CNTN4: variants seen among roughly 807,000 people sequenced by gnomAD.
CNTN4 encodes contactin-4.
In CNTN4, 77 loss-of-function variants were observed where a neutral mutation model predicts 122.5. The ratio of observed to expected loss-of-function variants is 0.63; its 90% CI spans 0.52 to 0.76. CNTN4 has a LOEUF of 0.76. Among genes scored for constraint, CNTN4 ranks in the 30% least tolerant of loss-of-function variants. CNTN4 has a pLI of 0.00. For missense variants in CNTN4, 1,256 were observed against 1,259.1 expected (o/e 1.00, Z 0.04); for synonymous variants, 512 against 447.0 (o/e 1.15, Z -1.83).
At chr3:2,672,031 G>A (rs970193348) in intron 4 of CNTN4, among the ~76,000 whole-genome samples, 2 of 152,206 alleles carry the variant, frequency 1.3e-5, no homozygotes, top group Non-Finnish European at 2.9e-5. Context: ...CCTACTGGGG[G>A]GTGCCTCCCA....
At chr3:2,221,334 G>C (rs1235378962) in intron 2 of CNTN4, among the ~76,000 whole-genome samples, 1 of 152,004 alleles carries the variant, frequency 6.6e-6, no homozygotes, top group Non-Finnish European at 1.5e-5. Context: ...TAACATTTCT[G>C]TCTTTTAGCT....
intron 3 of CNTN4, among the ~76,000 whole-genome samples, chr3:2,480,841 C>A (rs1456787153): frequency 2.0e-5 from 3 of 152,106 alleles, no homozygotes; most frequent in Non-Finnish European, 2.9e-5. Context: ...TACTCAACTT[C>A]AAGAAATGCT....
At chr3:2,684,094 C>T (rs1221051175) in intron 4 of CNTN4, among the ~76,000 whole-genome samples, 1 of 152,124 alleles carries the variant, frequency 6.6e-6, no homozygotes, top group African/African-American at 2.4e-5. Flanking sequence ...CCCTGCAATT[C>T]ACACTATTAA....
At chr3:3,048,481 C>G (rs1700903966) in intron 23 of CNTN4, among the ~76,000 whole-genome samples, 1 of 151,112 alleles carries the variant, frequency 6.6e-6, no homozygotes, top group East Asian at 1.9e-4. Flanking sequence ...TACCAAGGTA[C>G]CAATGAATAA....
intron 6 of CNTN4, among the ~76,000 whole-genome samples, chr3:2,814,121 T>G (rs1320568024): frequency 1.3e-5 from 2 of 152,186 alleles, no homozygotes; most frequent in Non-Finnish European, 2.9e-5. Context: ...GCCACACAAT[T>G]GTACAATCCT....
intron 20 of CNTN4, chr3:3,041,164 G>T (rs533948274): frequency 6.6e-6 from 1 of 152,320 alleles, no homozygotes; most frequent in African/African-American, 2.4e-5. Context: ...TCTGAAAGGT[G>T]AATCATTGAT....
intron 3 of CNTN4, among the ~76,000 whole-genome samples, chr3:2,504,740 C>T (rs1009544598): frequency 1.3e-5 from 2 of 152,140 alleles, no homozygotes; most frequent in East Asian, 3.9e-4. Flanking sequence ...ACAAATTGAC[C>T]ATACCTTCCT....
intron 4 of CNTN4, among the ~76,000 whole-genome samples, chr3:2,619,272 A>G (rs901235010): frequency 3.3e-5 from 5 of 152,226 alleles, no homozygotes; most frequent in Admixed American, 2.6e-4. Flanking sequence ...TCAAATGTAA[A>G]TGAAATTCCG....
chr3:2,966,933 C>T (rs1015039511), intron 13 of CNTN4, among the ~76,000 whole-genome samples: 1 of 152,200 alleles, frequency 6.6e-6, no homozygotes, highest in Non-Finnish European at 1.5e-5. Flanking sequence ...ACACTAAGTT[C>T]AGCCATATTG....
chr3:2,768,616 T>C (rs905223928), intron 6 of CNTN4, among the ~76,000 whole-genome samples: 47 of 152,332 alleles, frequency 3.1e-4, no homozygotes, highest in East Asian at 3.9e-4. Context: ...GCACTTAGGC[T>C]GAGGCAGGAA....
intron 8 of CNTN4, among the ~76,000 whole-genome samples, chr3:2,868,219 T>G (rs1315579790): frequency 6.6e-6 from 1 of 152,240 alleles, no homozygotes. Context: ...TTATCTCATT[T>G]AAATCTCAAT....
chr3:2,601,195 C>T (rs2081028994), intron 4 of CNTN4, among the ~76,000 whole-genome samples: 1 of 152,140 alleles, frequency 6.6e-6, no homozygotes, highest in African/African-American at 2.4e-5. Context: ...TGCAGAAGCT[C>T]TTTAGTTTAA....
chr3:2,120,373 AAATATAT>A (rs2033652061), intron 2 of CNTN4, among the ~76,000 whole-genome samples: 3 of 44,102 alleles, frequency 6.8e-5, no homozygotes, highest in East Asian at 5.0e-4. Context: ...ATATATATAT[AAATATAT>A]ATATATATAT....
At chr3:2,786,322 C>T (rs758171918) in intron 6 of CNTN4, among the ~76,000 whole-genome samples, 1 of 152,196 alleles carries the variant, frequency 6.6e-6, no homozygotes, top group African/African-American at 2.4e-5. Context: ...AAAGAGCACA[C>T]TGTAACACAT....
chr3:2,899,771 G>T (rs942840840), intron 10 of CNTN4, among the ~76,000 whole-genome samples: 6 of 152,132 alleles, frequency 3.9e-5, no homozygotes, highest in Non-Finnish European at 8.8e-5. Flanking sequence ...TTGATTTCCT[G>T]AGGAGGTTTG....
chr3:2,209,793 C>T (rs182913394), intron 2 of CNTN4, among the ~76,000 whole-genome samples: 37 of 152,108 alleles, frequency 2.4e-4, no homozygotes, highest in African/African-American at 8.9e-4. Context: ...TTGGCAATTC[C>T]TGTGCTCCTT....
chr3:2,729,196 T>C (rs747625830), intron 4 of CNTN4, among the ~76,000 whole-genome samples: 3 of 152,016 alleles, frequency 2.0e-5, no homozygotes, highest in Admixed American at 1.3e-4. Context: ...TCCCACGGAG[T>C]AGCCGCAGAG....
chr3:2,166,193 T>G (rs2036185699), intron 2 of CNTN4, among the ~76,000 whole-genome samples: 1 of 152,158 alleles, frequency 6.6e-6, no homozygotes, highest in African/African-American at 2.4e-5. Context: ...CAACAGTGTT[T>G]AAGGGCTTCG....
At chr3:2,277,221 A>G (rs971905350) in intron 2 of CNTN4, among the ~76,000 whole-genome samples, 5 of 152,208 alleles carry the variant, frequency 3.3e-5, no homozygotes, top group Non-Finnish European at 5.9e-5. Context: ...CATCATTTAA[A>G]TACGTAATTT....
Sources: allele counts gnomAD v4.1 joint callset (sites outside exome capture counted in the v4.1 genomes callset), GRCh38; gene constraint gnomAD v4.1.1; transcripts MANE v1.5; gene names NCBI Gene and HGNC (gene_info 2026-07-23, HGNC 2026-07-21).